The following ETV6 variants were observed in gnomAD, a reference collection of about 807,000 sequenced individuals.
ETV6 encodes transcription factor ETV6.
In ETV6, 16 loss-of-function variants were observed where a neutral mutation model predicts 51.1. That is an observed-to-expected ratio of 0.31 (90% CI 0.21 to 0.48). The LOEUF (loss-of-function observed/expected upper bound fraction) is 0.48. Ranked by LOEUF, ETV6 falls within the 20% of genes least tolerant of loss-of-function variation. ETV6 has a pLI of 0.99. For synonymous variants in ETV6, 240 were observed against 224.1 expected (o/e 1.07, Z -0.64); for missense variants, 458 against 594.8 (o/e 0.77, Z 2.39).
intron 3 of ETV6, among the ~76,000 whole-genome samples, chr12:11,851,086 C>T (rs181624317): frequency 6.6e-6 from 1 of 152,178 alleles, no homozygotes; most frequent in African/African-American, 2.4e-5. Flanking sequence ...GGGACTCCCA[C>T]CGAGGCAGCC....
At chr12:11,866,110 C>CT (rs1350595286) in intron 4 of ETV6, among the ~76,000 whole-genome samples, 1 of 152,014 alleles carries the variant, frequency 6.6e-6, no homozygotes, top group East Asian at 1.9e-4. Flanking sequence ...ACCCTTTCTT[C>CT]TCTCATCTCC....
intron 1 of ETV6, among the ~76,000 whole-genome samples, chr12:11,734,901 T>A (rs1360938741): frequency 6.6e-6 from 1 of 152,100 alleles, no homozygotes; most frequent in Non-Finnish European, 1.5e-5. Context: ...AATGAAGACA[T>A]CTAAGGAAAA....
intron 1 of ETV6, among the ~76,000 whole-genome samples, chr12:11,663,242 A>G (rs897003482): frequency 6.6e-6 from 1 of 151,816 alleles, no homozygotes; most frequent in Non-Finnish European, 1.5e-5. Context: ...TCCTAGGTAC[A>G]GCTACCAAAG....
chr12:11,672,223 A>G (rs1864331613), intron 1 of ETV6, among the ~76,000 whole-genome samples: 1 of 152,084 alleles, frequency 6.6e-6, no homozygotes, highest in Admixed American at 6.6e-5. Flanking sequence ...TATTGTAAGG[A>G]ACCAACTCCC....
chr12:11,858,833 G>C (rs928783566), intron 4 of ETV6, among the ~76,000 whole-genome samples: 4 of 63,438 alleles, frequency 6.3e-5, no homozygotes, highest in Non-Finnish European at 2.5e-4. Context: ...CAAGTGATGA[G>C]GAGAACTTTC....
intron 1 of ETV6, among the ~76,000 whole-genome samples, chr12:11,686,912 G>T (rs956348770): frequency 3.3e-5 from 5 of 152,158 alleles, no homozygotes; most frequent in African/African-American, 1.2e-4. Flanking sequence ...ATTTTAGACA[G>T]AGTGTAACTC....
chr12:11,827,042 GATAGAATAGA>G (rs749477504), intron 2 of ETV6, among the ~76,000 whole-genome samples: 1 of 150,920 alleles, frequency 6.6e-6, no homozygotes, highest in African/African-American at 2.4e-5. Context: ...AAGGGGATGA[GATAGAATAGA>G]ATAGAGAGAA....
At chr12:11,800,321 A>G (rs888117512) in intron 2 of ETV6, among the ~76,000 whole-genome samples, 4 of 152,216 alleles carry the variant, frequency 2.6e-5, no homozygotes, top group African/African-American at 9.6e-5. Flanking sequence ...GTATACATAC[A>G]TAAAACATGA....
chr12:11,889,050 T>G (rs1347034890), intron 7 of ETV6, among the ~76,000 whole-genome samples: 1 of 151,836 alleles, frequency 6.6e-6, no homozygotes, highest in Non-Finnish European at 1.5e-5. Flanking sequence ...TAATGCTTAT[T>G]GACAGCCTGG....
intron 1 of ETV6, among the ~76,000 whole-genome samples, chr12:11,654,358 A>T (rs1290345030): frequency 6.6e-6 from 1 of 152,110 alleles, no homozygotes; most frequent in East Asian, 1.9e-4. Context: ...CAGGGAGGGG[A>T]TCCAGAGAGC....
At chr12:11,786,300 C>CA in intron 2 of ETV6, among the ~76,000 whole-genome samples, 1 of 150,926 alleles carries the variant, frequency 6.6e-6, no homozygotes, top group East Asian at 2.0e-4. Context: ...TTTTCTCTAC[C>CA]ACAAAATCTG....
intron 1 of ETV6, among the ~76,000 whole-genome samples, chr12:11,700,591 T>C (rs573667095): frequency 6.6e-6 from 1 of 152,308 alleles, no homozygotes; most frequent in Admixed American, 6.5e-5. Context: ...TTAACACATA[T>C]TTTGTTTGTT....
chr12:11,800,767 C>T (rs1399230739), intron 2 of ETV6, among the ~76,000 whole-genome samples: 1 of 152,062 alleles, frequency 6.6e-6, no homozygotes, highest in Non-Finnish European at 1.5e-5. Context: ...ACCAGTTACT[C>T]CCCAGAAAGA....
chr12:11,828,297 A>G lies in ETV6; in HGVS notation c.164-10843A>G, dbSNP rs896011808. Among the ~76,000 whole-genome samples, 5 of 152,174 alleles carry G rather than the reference A, an allele frequency of 3.3e-5. No homozygotes were observed. In the East Asian group the frequency reaches 7.7e-4, roughly 23 times the overall value. On this transcript the variant is annotated intron_variant, in intron 2 of 7. Transcript: ENST00000396373. ...TAACTACTATGAAGAAAAACTTTCA[A>G]TATGTTAGCAATGATGTCTATAATA...
intron 1 of ETV6, among the ~76,000 whole-genome samples, chr12:11,655,771 AGT>A (rs1402566300): frequency 2.6e-5 from 4 of 152,334 alleles, no homozygotes; most frequent in Admixed American, 2.6e-4. Context: ...GAATTCCCAG[AGT>A]GTGGACGAGG....
intron 1 of ETV6, chr12:11,751,697 G>T: frequency 2.7e-6 from 1 of 371,388 alleles, no homozygotes; most frequent in South Asian, 2.1e-5. Context: ...TACTTGATAA[G>T]GGGTCAAACA....
chr12:11,788,239 C>T (rs1945518233), intron 2 of ETV6, among the ~76,000 whole-genome samples: 2 of 152,162 alleles, frequency 1.3e-5, no homozygotes, highest in South Asian at 4.1e-4. Flanking sequence ...TTGGTCTAAA[C>T]CATTCCAAAA....
chr12:11,850,885 G>A (rs966149880), intron 3 of ETV6, among the ~76,000 whole-genome samples: 1 of 152,198 alleles, frequency 6.6e-6, no homozygotes, highest in Non-Finnish European at 1.5e-5. Context: ...CCCCACCGGG[G>A]GCTTCTCCAA....
chr12:11,762,453 G>C (rs1332566176), intron 2 of ETV6, among the ~76,000 whole-genome samples: 1 of 152,156 alleles, frequency 6.6e-6, no homozygotes, highest in Non-Finnish European at 1.5e-5. Context: ...GTATCCACTG[G>C]GTTTTAGGCT....
Sources: gnomAD v4.1 joint callset for allele counts (sites outside exome capture counted in the v4.1 genomes callset) on GRCh38, gnomAD v4.1.1 for gene constraint, MANE v1.5 for transcripts, NCBI Gene and HGNC (gene_info 2026-07-23, HGNC 2026-07-21) for gene names.